LRRN4: variants seen among roughly 807,000 people sequenced by gnomAD.
LRRN4 encodes the protein leucine-rich repeat neuronal protein 4.
LRRN4 carries 26 observed loss-of-function variants against 22.3 expected under a neutral mutation model. That is an observed-to-expected ratio of 1.16 (90% CI 0.85 to 1.62). The LOEUF is 1.62. Ranked by LOEUF, LRRN4 falls within the 40% of genes most tolerant of loss-of-function variation. LRRN4 has a pLI of 0.00. For missense variants in LRRN4, 1,070 were observed against 1,008.5 expected (o/e 1.06, Z -0.83); for synonymous variants, 496 against 486.2 (o/e 1.02, Z -0.26).
Position 6,052,422 on chromosome 20 carries a change from G to A in LRRN4, c.378C>T (p.Thr126=), listed in dbSNP as rs764681923. 8.4e-6 allele frequency: 13 copies of A among 1,545,848 alleles called. No homozygotes were observed. The African/African-American group carries it at 1.7e-4, about 20-fold the overall frequency. ...WGPGGPAGLH[T]LDLSYNQLAA... ...CCAGCTGGTTGTAGCTGAGGTCCAG[G>A]GTGTGCAGCCCCGCCGGCCCACCCG... The change falls in exon 2 of 5, where the codon ACC becomes ACT. Residue 126 remains threonine (T), a synonymous_variant. Transcript: ENST00000378858.
intron 2 of LRRN4, among the ~76,000 whole-genome samples, chr20:6,051,254 A>G (rs1213736723): frequency 6.6e-6 from 1 of 152,236 alleles, no homozygotes; most frequent in Non-Finnish European, 1.5e-5. Flanking sequence ...GGAAAGCGGC[A>G]GAGACAAGGC....
chr20:6,047,445 C>T (rs1393018514), intron 3 of LRRN4, among the ~76,000 whole-genome samples: 1 of 149,458 alleles, frequency 6.7e-6, no homozygotes, highest in Non-Finnish European at 1.5e-5. Flanking sequence ...CACACACACA[C>T]ACACACACAC....
intron 3 of LRRN4, 138 bp downstream of exon 3, chr20:6,050,640 TG>T: frequency 1.2e-6 from 1 of 864,518 alleles, no homozygotes; most frequent in Middle Eastern, 2.3e-4. Flanking sequence ...ACCCAAAGGG[TG>T]GGGGAAAACA....
At chr20:6,042,274 ACGT>A (rs753877694) in intron 4 of LRRN4, 28 bp from the exon 5 acceptor site, 1 of 1,581,096 alleles carries the variant, frequency 6.3e-7, no homozygotes, top group Admixed American at 1.7e-5. Flanking sequence ...CAGTTAGAAG[ACGT>A]CTGGCTTCAG....
intron 3 of LRRN4, among the ~76,000 whole-genome samples, chr20:6,049,636 G>C (rs1165895089): frequency 1.3e-5 from 2 of 152,120 alleles, no homozygotes; most frequent in Non-Finnish European, 2.9e-5. Flanking sequence ...AAGTAGCTGG[G>C]ACTACAGACA....
At chr20:6,044,441 A>G in intron 4 of LRRN4, 102 bp downstream of exon 4, 1 of 1,220,022 alleles carries the variant, frequency 8.2e-7, no homozygotes, top group Non-Finnish European at 1.1e-6. Flanking sequence ...CAACATGGCC[A>G]AAGTGCCAAG....
chr20:6,046,091 T>C (rs545361236), intron 3 of LRRN4, among the ~76,000 whole-genome samples: 4 of 148,704 alleles, frequency 2.7e-5, no homozygotes, highest in Admixed American at 6.7e-5. Flanking sequence ...GGGAGGATCA[T>C]TTGAGGCCAG....
chr20:6,047,079 A>C lies in LRRN4; in HGVS notation c.861-2399T>G, dbSNP rs6085360. Among the ~76,000 whole-genome samples the C allele has an allele frequency of 7.9e-5, 12 of 152,178 alleles. 1 individual carries two copies. In the East Asian group the frequency reaches 2.3e-3, roughly 29 times the overall value. On this transcript the variant is annotated intron_variant, in intron 3 of 4. Transcript: ENST00000378858. ...ATGTTACATGTTCTACATGTAAAGAAAATTATTCTTAGGGGAAAAGGTACA... is the reference window on the plus strand; with the variant it reads ...ATGTTACATGTTCTACATGTAAAGACAATTATTCTTAGGGGAAAAGGTACA...
intron 3 of LRRN4, among the ~76,000 whole-genome samples, chr20:6,046,298 T>A (rs1254369707): frequency 6.7e-6 from 1 of 148,590 alleles, no homozygotes; most frequent in Non-Finnish European, 1.5e-5. Context: ...AACTAGGCCT[T>A]GACTCTAAAG....
At position 6,052,586 on chromosome 20, in the gene LRRN4, A is replaced by G; in HGVS notation, c.214T>C (p.Cys72Arg). 1.3e-6 allele frequency: 2 copies of G among 1,584,008 alleles called. No homozygotes were observed. Among genetic ancestry groups the G allele is most frequent in the Non-Finnish European group, 8.5e-7 (1 of 1,173,318 alleles). The change falls in exon 2 of 5, where the codon TGC becomes CGC. Residue 72 changes from cysteine (C) to arginine (R), a missense_variant. Coordinates refer to ENST00000378858, the MANE Select transcript of LRRN4 (RefSeq NM_152611.5). The stretch of plus-strand genomic sequence containing the variant: ...AGGCTGCGCAGTGTGCGCGGTAGGC[A>G]GCCGGGCAGGCGCTCCAGGTTGCGG... The part of the protein sequence containing the change: ...ANRNLERLPG[C>R]LPRTLRSLDA...
Position 6,041,178 on chromosome 20 carries a change from G to T in LRRN4, c.2067C>A (p.Ala689=). Residue 689 remains alanine (A), a synonymous_variant, in exon 5 of 5, where the codon GCC becomes GCA. Transcript: ENST00000378858. This position sits in a 1 kb window ranked among gnomAD's most constrained non-coding sequence, Gnocchi z 9.4. ...TGCTGGCGAGCAACAGGCCGCTGGC[G>T]GCGCACAGCCCAGAGAGCAGGAGCG... ...SFALLLSGLC[A]ASGLLLASTV... The T allele has an allele frequency of 1.3e-6, 2 of 1,598,506 alleles. No individual in the cohort carries two copies. Among genetic ancestry groups the T allele is most frequent in the Non-Finnish European group, 1.7e-6 (2 of 1,172,182 alleles).
chr20:6,042,518 G>A (rs1395038415), intron 4 of LRRN4, among the ~76,000 whole-genome samples: 1 of 152,192 alleles, frequency 6.6e-6, no homozygotes, highest in Non-Finnish European at 1.5e-5. Flanking sequence ...AGCTAGCAAT[G>A]GCAGAGCCTA....
Position 6,052,389 on chromosome 20 carries a change from C to G in LRRN4, c.411G>C (p.Leu137=), listed in dbSNP as rs1251040409. Reference sequence around the variant, plus strand: ...TCAGCGCGGGCCCGGTGCACGGCGGCAGAGCGGCCAGCTGGTTGTAGCTGA... The same window carrying G: ...TCAGCGCGGGCCCGGTGCACGGCGGGAGAGCGGCCAGCTGGTTGTAGCTGA... The part of the protein sequence containing the change: ...LDLSYNQLAA[L]PPCTGPALSS... The change falls in exon 2 of 5, where the codon CTG becomes CTC. Residue 137 remains leucine (L), a synonymous_variant. Transcript: ENST00000378858. 9.2e-6 allele frequency: 14 copies of G among 1,526,828 alleles called. No homozygotes were observed. 94.6% of individuals were successfully genotyped at this position (1,526,828 alleles called of 1,614,324 possible). A position where few individuals can be genotyped will look rare whatever the true frequency, so the allele number is the denominator to read the frequency against.
At position 6,040,671 on chromosome 20, in the gene LRRN4, A is replaced by T. The variant is rs959219857; in HGVS notation, c.*351T>A. The T allele has an allele frequency of 3.2e-5, 7 of 220,928 alleles. No individual in the cohort carries two copies. The highest frequency in any genetic ancestry group is 1.6e-4 in the African/African-American group (7 of 43,012). The allele number at this position is 220,928 out of a possible 1,614,324, so 13.7% of individuals were successfully genotyped here. A position where few individuals can be genotyped will look rare whatever the true frequency, so the allele number is the denominator to read the frequency against. On this transcript the variant is annotated 3_prime_UTR_variant, in exon 5 of 5. Transcript: ENST00000378858. ...ATGATCAAAGAGGCTGGGTTATGCAACTTCTCTGTTTCATCCCTTCCTACG... is the reference window on the plus strand; with the variant it reads ...ATGATCAAAGAGGCTGGGTTATGCATCTTCTCTGTTTCATCCCTTCCTACG...
Position 6,040,954 on chromosome 20 carries a change from TGA to T in LRRN4, c.*66_*67del. 58 of 1,581,840 alleles carry T rather than the reference TGA, an allele frequency of 3.7e-5. No homozygotes were observed. The highest frequency in any genetic ancestry group is 4.1e-5 in the African/African-American group (3 of 73,962). Reference sequence around the variant, plus strand: ...CCCTAGGAGCGGATGGGGTCGTTTTTGACCGTCTGTGTCTTCCTTTTTGCGCT... The same window carrying T: ...CCCTAGGAGCGGATGGGGTCGTTTTTCCGTCTGTGTCTTCCTTTTTGCGCT... On this transcript the variant is annotated 3_prime_UTR_variant, in exon 5 of 5. Coordinates refer to ENST00000378858, the MANE Select transcript of LRRN4 (RefSeq NM_152611.5).
At position 6,041,344 on chromosome 20, in the gene LRRN4, C is replaced by T. The variant is rs781147711; in HGVS notation, c.1901G>A (p.Arg634Gln). 2.5e-6 allele frequency: 4 copies of T among 1,596,854 alleles called. No homozygotes were observed. The highest frequency in any genetic ancestry group is 3.4e-6 in the Non-Finnish European group (4 of 1,174,928). ...SVVGVIYATA[R>Q]QHPLYGLSPG... is the part of the protein sequence containing the mutation. ...CGACAGCCCGTACAGAGGGTGCTGC[C>T]GGGCCGTGGCGTAGATGACCCCCAC... The change falls in exon 5 of 5, where the codon CGG (arginine) becomes CAG (glutamine). Residue 634 changes from arginine (R) to glutamine (Q), a missense_variant. Coordinates refer to ENST00000378858, the MANE Select transcript of LRRN4 (RefSeq NM_152611.5). This position sits in a 1 kb window ranked among gnomAD's most constrained non-coding sequence, Gnocchi z 9.4.
In LRRN4 at chr20:6,052,558, T is replaced by A; in HGVS notation, c.242A>T (p.Asp81Val). 1 of 1,579,354 alleles carries A rather than the reference T, an allele frequency of 6.3e-7. No homozygotes were observed. Among genetic ancestry groups the A allele is most frequent in the South Asian group, 1.1e-5 (1 of 88,134 alleles). Reference protein sequence around the residue: ...GCLPRTLRSLDASHNLLRALS... With the variant: ...GCLPRTLRSLVASHNLLRALS... ...GGCGCGCAGCAGGTTGTGGCTGGCG[T>A]CGAGGCTGCGCAGTGTGCGCGGTAG... The change falls in exon 2 of 5, where the codon GAC becomes GTC. Residue 81 changes from aspartate to valine, a missense_variant. Asp to Val is a radical substitution (Grantham distance 152). Transcript: ENST00000378858.
rs139516032 is a variant in LRRN4, at chr20:6,044,584, C to T, written c.957G>A (p.Leu319=). The change falls in exon 4 of 5, where the codon TTG becomes TTA. Residue 319 remains leucine (L), a synonymous_variant. Coordinates refer to ENST00000378858, the MANE Select transcript of LRRN4 (RefSeq NM_152611.5). The part of the protein sequence containing the change: ...FGNPLTCSCD[L]SWLLTDAKRT... ...TCTTTGCATCCGTGAGGAGCCAAGA[C>T]AAGTCACAACTGCAAGTGAGGGGGT... The T allele has an allele frequency of 6.9e-6, 11 of 1,592,112 alleles. No homozygotes were observed. In the South Asian group the frequency reaches 8.2e-5, roughly 12 times the overall value.
At chr20:6,042,370 C>G (rs752530533) in intron 4 of LRRN4, 124 bp from the exon 5 acceptor site, 52 of 1,090,488 alleles carry the variant, frequency 4.8e-5, no homozygotes, top group Non-Finnish European at 6.4e-5. Context: ...GCCAGGCACC[C>G]CAGGGCACAC....
Sources: gnomAD v4.1 joint callset for allele counts (sites outside exome capture counted in the v4.1 genomes callset) on GRCh38, gnomAD v4.1.1 for gene constraint, Gnocchi (gnomAD v3.1) non-coding constraint, MANE v1.5 for transcripts, NCBI Gene and HGNC (gene_info 2026-07-23, HGNC 2026-07-21) for gene names.